The following LINGO2 variants were observed in gnomAD, a reference collection of about 807,000 sequenced individuals.
LINGO2 encodes leucine-rich repeat and immunoglobulin-like domain-containing nogo receptor-interacting protein 2.
A neutral mutation model predicts 30.6 loss-of-function variants in LINGO2; 14 were observed. The ratio of observed to expected loss-of-function variants is 0.46; its 90% CI spans 0.30 to 0.72. The LOEUF (loss-of-function observed/expected upper bound fraction) is 0.72, where lower values mean the gene tolerates loss of function less well. Ranked by LOEUF, LINGO2 falls within the 30% of genes least tolerant of loss-of-function variation. The pLI is 0.07. For missense variants in LINGO2, 729 were observed against 751.7 expected (o/e 0.97, Z 0.35); for synonymous variants, 317 against 288.5 (o/e 1.10, Z -1.00).
chr9:28,748,531 G>T, the LINGO2 span, among the ~76,000 whole-genome samples: 58 of 151,966 alleles, frequency 3.8e-4, 1 homozygote, highest in African/African-American at 1.4e-3. Flanking sequence ...GAGAGTGGAA[G>T]TACACCCAAA....
chr9:28,848,331 A>T, the LINGO2 span, among the ~76,000 whole-genome samples: 1 of 114,894 alleles, frequency 8.7e-6, no homozygotes, highest in South Asian at 2.5e-4. Context: ...GTATATATAT[A>T]CATATATAGT....
chr9:28,058,478 C>T (rs1259427347), intron 4 of LINGO2, among the ~76,000 whole-genome samples: 1 of 152,106 alleles, frequency 6.6e-6, no homozygotes, highest in Non-Finnish European at 1.5e-5. Flanking sequence ...TTTTCCGCAG[C>T]ACATGCTTAA....
intron 5 of LINGO2, among the ~76,000 whole-genome samples, chr9:27,963,893 T>C (rs1381530159): frequency 6.6e-6 from 1 of 152,046 alleles, no homozygotes; most frequent in East Asian, 1.9e-4. Flanking sequence ...GTATAAAACA[T>C]TTTAAAACTA....
At chr9:29,048,047 G>A in the LINGO2 span, among the ~76,000 whole-genome samples, 2 of 152,172 alleles carry the variant, frequency 1.3e-5, no homozygotes, top group East Asian at 3.9e-4. Flanking sequence ...GAAGGCAGAG[G>A]TTGTAGTGAG....
At chr9:28,312,941 A>G (rs1439382221) in intron 3 of LINGO2, among the ~76,000 whole-genome samples, 3 of 152,186 alleles carry the variant, frequency 2.0e-5, no homozygotes, top group African/African-American at 7.2e-5. Context: ...ATTACATTAA[A>G]TGTCATGAAA....
At chr9:29,171,810 T>A in the LINGO2 span, among the ~76,000 whole-genome samples, 1 of 151,916 alleles carries the variant, frequency 6.6e-6, no homozygotes, top group Non-Finnish European at 1.5e-5. Flanking sequence ...AGAAAAGTAC[T>A]ACAAAGATAC....
chr9:28,027,898 C>A (rs904389054), intron 4 of LINGO2, among the ~76,000 whole-genome samples: 4 of 152,104 alleles, frequency 2.6e-5, no homozygotes, highest in Non-Finnish European at 5.9e-5. Context: ...GACGAAATCT[C>A]ATGTGTCCAG....
chr9:28,813,533 C>CCCTT, the LINGO2 span, among the ~76,000 whole-genome samples: 4 of 152,002 alleles, frequency 2.6e-5, no homozygotes, highest in African/African-American at 4.8e-5. Flanking sequence ...CCTCAATGTA[C>CCCTT]CCTTCCTTCC....
chr9:28,260,254 T>G (rs1377280366), intron 4 of LINGO2, among the ~76,000 whole-genome samples: 1 of 151,776 alleles, frequency 6.6e-6, no homozygotes, highest in Non-Finnish European at 1.5e-5. Context: ...TTTTTTTTTT[T>G]TTACTTGGGA....
chr9:28,865,738 C>T, the LINGO2 span, among the ~76,000 whole-genome samples: 1 of 152,042 alleles, frequency 6.6e-6, no homozygotes, highest in African/African-American at 2.4e-5. Flanking sequence ...GAGCCAAGAT[C>T]GTGCCACTGC....
chr9:29,112,336 C>A, the LINGO2 span, among the ~76,000 whole-genome samples: 1 of 152,084 alleles, frequency 6.6e-6, no homozygotes, highest in African/African-American at 2.4e-5. Flanking sequence ...CAGCTAAGAC[C>A]TGCTGAATCT....
chr9:28,424,612 C>T (rs1354329355), intron 2 of LINGO2, among the ~76,000 whole-genome samples: 1 of 152,128 alleles, frequency 6.6e-6, no homozygotes, highest in Non-Finnish European at 1.5e-5. Flanking sequence ...GCATTTTATG[C>T]AGCAATAGTT....
the LINGO2 span, among the ~76,000 whole-genome samples, chr9:29,105,477 C>T: frequency 1.3e-5 from 2 of 152,002 alleles, no homozygotes; most frequent in African/African-American, 4.8e-5. Context: ...ATTCAGTCAT[C>T]GAAAAGTAAA....
chr9:28,807,401 A>G, the LINGO2 span, among the ~76,000 whole-genome samples: 3 of 152,198 alleles, frequency 2.0e-5, no homozygotes, highest in African/African-American at 7.2e-5. Flanking sequence ...CTTCTCTCTG[A>G]TAAGGGTTTA....
At chr9:28,821,126 T>G in the LINGO2 span, among the ~76,000 whole-genome samples, 1 of 152,024 alleles carries the variant, frequency 6.6e-6, no homozygotes, top group East Asian at 1.9e-4. Context: ...GAAAAATAAA[T>G]AAGTTCCTAA....
chr9:29,209,865 T>C, the LINGO2 span, among the ~76,000 whole-genome samples: 5 of 152,018 alleles, frequency 3.3e-5, no homozygotes, highest in African/African-American at 4.8e-5. Flanking sequence ...TTTTTTTCAA[T>C]CTAACATGCT....
intron 3 of LINGO2, among the ~76,000 whole-genome samples, chr9:28,336,339 G>T (rs56205351): frequency 0.012 from 1,791 of 152,122 alleles, 19 homozygotes; most frequent in Middle Eastern, 0.027. Context: ...AGAGGATTTG[G>T]AAGTATTTCC....
At chr9:28,990,159 C>T in the LINGO2 span, among the ~76,000 whole-genome samples, 79,384 of 151,936 alleles carry the variant, frequency 0.52, 21,668 homozygotes, top group Non-Finnish European at 0.6. Flanking sequence ...GGTGACACTG[C>T]GCTTTTCTGA....
chr9:28,471,354 C>G (rs1284926820), intron 2 of LINGO2, among the ~76,000 whole-genome samples: 1 of 152,134 alleles, frequency 6.6e-6, no homozygotes, highest in East Asian at 1.9e-4. Context: ...CGAGGGTGGC[C>G]TTACTTTAAC....
Sources: allele counts gnomAD v4.1 joint callset (sites outside exome capture counted in the v4.1 genomes callset), GRCh38; gene constraint gnomAD v4.1.1; transcripts MANE v1.5; gene names NCBI Gene and HGNC (gene_info 2026-07-23, HGNC 2026-07-21).